ADAMTSL1: variants seen among roughly 807,000 people sequenced by gnomAD.
ADAMTSL1 encodes ADAMTS like 1.
In ADAMTSL1, 126 loss-of-function variants were observed where a neutral mutation model predicts 201.8. That is an observed-to-expected ratio of 0.62 (90% CI 0.54 to 0.72). The LOEUF is 0.72. ADAMTSL1 is among the 30% of genes least tolerant of loss of function. The pLI is 0.00. For missense variants in ADAMTSL1, 2,679 were observed against 2,277.8 expected (o/e 1.18, Z -3.59); for synonymous variants, 1,121 against 903.4 (o/e 1.24, Z -4.32).
intron 2 of ADAMTSL1, among the ~76,000 whole-genome samples, chr9:18,325,198 A>G (rs1834783381): frequency 6.6e-6 from 1 of 152,226 alleles, no homozygotes; most frequent in South Asian, 2.1e-4. Context: ...TATAAAGTCA[A>G]ACATACACCT....
At chr9:18,203,415 T>C (rs187765886) in intron 2 of ADAMTSL1, among the ~76,000 whole-genome samples, 56 of 151,906 alleles carry the variant, frequency 3.7e-4, no homozygotes, top group Middle Eastern at 3.4e-3. Flanking sequence ...TATTAAGTGA[T>C]AATTAAAGAA....
At chr9:18,851,796 T>A (rs1048645914) in intron 23 of ADAMTSL1, among the ~76,000 whole-genome samples, 4 of 152,190 alleles carry the variant, frequency 2.6e-5, no homozygotes, top group Non-Finnish European at 5.9e-5. Flanking sequence ...TTTTCCCTTA[T>A]CAGTCAAACT....
chr9:18,415,921 A>G (rs896211735), intron 2 of ADAMTSL1, among the ~76,000 whole-genome samples: 3 of 152,108 alleles, frequency 2.0e-5, no homozygotes, highest in Non-Finnish European at 4.4e-5. Flanking sequence ...AAGGAAAAAA[A>G]GGTGATAATC....
chr9:18,455,273 G>T (rs968422731), intron 2 of ADAMTSL1, among the ~76,000 whole-genome samples: 2 of 152,040 alleles, frequency 1.3e-5, no homozygotes, highest in Non-Finnish European at 2.9e-5. Context: ...ACAGAATAGC[G>T]TATTCATAGT....
chr9:18,841,753 G>C (rs958575716), intron 23 of ADAMTSL1, among the ~76,000 whole-genome samples: 2 of 152,072 alleles, frequency 1.3e-5, no homozygotes, highest in Non-Finnish European at 1.5e-5. Context: ...ACTTCTTCCT[G>C]GTTTAGTCTT....
Position 18,419,440 on chromosome 9 carries a change from A to G in ADAMTSL1, c.208-85389A>G, listed in dbSNP as rs115376531. Among the ~76,000 whole-genome samples the G allele has an allele frequency of 9.3e-3, 1,411 of 152,274 alleles. 29 individuals carry two copies. The highest frequency in any genetic ancestry group is 0.033 in the African/African-American group (1,374 of 41,558). On this transcript the variant is annotated intron_variant, in intron 2 of 29. Transcript: ENST00000680146. The stretch of plus-strand genomic sequence containing the variant: ...ACTTACCATGTAACCCAGTAGTCCT[A>G]TTGCTGGATGTTTACTCTAGAGAAA...
intron 1 of ADAMTSL1, among the ~76,000 whole-genome samples, chr9:17,942,443 A>G (rs1488146437): frequency 6.6e-6 from 1 of 152,186 alleles, no homozygotes; most frequent in East Asian, 1.9e-4. Context: ...CAGATGTGAC[A>G]CAGGGAACAG....
chr9:18,562,993 C>G (rs1370182303), intron 3 of ADAMTSL1, among the ~76,000 whole-genome samples: 1 of 152,156 alleles, frequency 6.6e-6, no homozygotes, highest in Non-Finnish European at 1.5e-5. Flanking sequence ...TTTGTTATCA[C>G]CCACCTTCTG....
chr9:18,183,813 A>G (rs188397248), intron 2 of ADAMTSL1, among the ~76,000 whole-genome samples: 1 of 152,352 alleles, frequency 6.6e-6, no homozygotes, highest in Admixed American at 6.5e-5. Context: ...TAACTTTACT[A>G]TTCTAATTAC....
At chr9:18,441,796 G>A (rs1820004190) in intron 2 of ADAMTSL1, among the ~76,000 whole-genome samples, 1 of 152,138 alleles carries the variant, frequency 6.6e-6, no homozygotes, top group Non-Finnish European at 1.5e-5. Flanking sequence ...TTGAAATACA[G>A]TTTCTCCAAA....
At chr9:18,027,407 T>G (rs1234879427) in intron 1 of ADAMTSL1, among the ~76,000 whole-genome samples, 6 of 151,792 alleles carry the variant, frequency 4.0e-5, no homozygotes, top group Non-Finnish European at 8.8e-5. Context: ...TTTTGTATAT[T>G]GTATCTCTGT....
chr9:18,219,289 C>A (rs550602080), intron 2 of ADAMTSL1, among the ~76,000 whole-genome samples: 1 of 151,756 alleles, frequency 6.6e-6, no homozygotes, highest in East Asian at 1.9e-4. Context: ...TAACTGCTAT[C>A]TTCATGATAT....
At chr9:18,381,925 G>A (rs867581601) in intron 2 of ADAMTSL1, among the ~76,000 whole-genome samples, 21 of 152,086 alleles carry the variant, frequency 1.4e-4, no homozygotes, top group Admixed American at 3.3e-4. Flanking sequence ...AGTGGTTTTC[G>A]ATGTTTTCTT....
intron 2 of ADAMTSL1, among the ~76,000 whole-genome samples, chr9:18,213,459 G>C (rs1829953949): frequency 6.6e-6 from 1 of 152,148 alleles, no homozygotes; most frequent in Non-Finnish European, 1.5e-5. Context: ...TTAGAACTTA[G>C]TGAGAAGCTA....
At chr9:18,512,498 C>T (rs973684309) in intron 2 of ADAMTSL1, among the ~76,000 whole-genome samples, 14 of 151,890 alleles carry the variant, frequency 9.2e-5, no homozygotes, top group African/African-American at 3.4e-4. Context: ...TGTATATCTC[C>T]TCAATTTTAA....
chr9:18,274,009 A>G (rs1489365633), intron 2 of ADAMTSL1, among the ~76,000 whole-genome samples: 1 of 152,222 alleles, frequency 6.6e-6, no homozygotes, highest in Non-Finnish European at 1.5e-5. Context: ...TACAAATCAT[A>G]ATTTAAATGA....
At chr9:18,784,395 A>C (rs1821580257) in intron 19 of ADAMTSL1, among the ~76,000 whole-genome samples, 1 of 152,234 alleles carries the variant, frequency 6.6e-6, no homozygotes, top group Non-Finnish European at 1.5e-5. Context: ...GAATGAATAA[A>C]TAAAGGAATG....
At chr9:18,325,913 G>A (rs920171336) in intron 2 of ADAMTSL1, among the ~76,000 whole-genome samples, 2 of 152,104 alleles carry the variant, frequency 1.3e-5, no homozygotes, top group African/African-American at 4.8e-5. Context: ...GCTAATTTTT[G>A]TGTTTTTAGT....
intron 26 of ADAMTSL1, among the ~76,000 whole-genome samples, chr9:18,903,378 T>G (rs527482798): frequency 6.6e-6 from 1 of 152,186 alleles, no homozygotes; most frequent in South Asian, 2.1e-4. Flanking sequence ...TATGGTTCAT[T>G]TATGTAAATT....
Sources: allele counts gnomAD v4.1 joint callset (sites outside exome capture counted in the v4.1 genomes callset), GRCh38; gene constraint gnomAD v4.1.1; transcripts MANE v1.5; gene names NCBI Gene and HGNC (gene_info 2026-07-23, HGNC 2026-07-21).